Variants in TRIM9 observed in about 807,000 individuals in gnomAD.
The protein encoded by TRIM9 is tripartite motif containing 9, also known as E3 ubiquitin-protein ligase TRIM9.
A neutral mutation model predicts 78.3 loss-of-function variants in TRIM9; 26 were observed. The ratio of observed to expected loss-of-function variants is 0.33; its 90% CI spans 0.24 to 0.46. The LOEUF (loss-of-function observed/expected upper bound fraction) is 0.46, where lower values mean the gene tolerates loss of function less well. Among genes scored for constraint, TRIM9 ranks in the 20% least tolerant of loss-of-function variants. TRIM9 has a pLI of 1.00. For missense variants in TRIM9, 787 were observed against 1,036.4 expected (o/e 0.76, Z 3.30); for synonymous variants, 398 against 416.5 (o/e 0.96, Z 0.54).
At chr14:51,071,958 G>A (rs1319954906) in intron 1 of TRIM9, among the ~76,000 whole-genome samples, 2 of 152,188 alleles carry the variant, frequency 1.3e-5, no homozygotes, top group Admixed American at 1.3e-4. Context: ...TGCCAATCCC[G>A]GACTCAGCAG....
At chr14:51,060,777 CTCTTA>C (rs1462132468) in intron 1 of TRIM9, among the ~76,000 whole-genome samples, 7 of 152,186 alleles carry the variant, frequency 4.6e-5, no homozygotes, top group Admixed American at 3.9e-4. Flanking sequence ...TATATTCATT[CTCTTA>C]TAAGAAGCAG....
In TRIM9 at chr14:50,979,309, G is replaced by A. The variant is rs375413789; in HGVS notation, c.2325+78C>T. On this transcript the variant is annotated intron_variant, in intron 12 of 12. Coordinates refer to ENST00000684578, the MANE Select transcript of TRIM9 (RefSeq NM_001387360.1). ...TACGCTGTCAGCTTCCCTCTCTTCGGTTGGATTGAACGGCCCTGGGCAGCC... is the reference window on the plus strand; with the variant it reads ...TACGCTGTCAGCTTCCCTCTCTTCGATTGGATTGAACGGCCCTGGGCAGCC... 4.1e-4 allele frequency: 660 copies of A among 1,611,060 alleles called. 4 individuals carry two copies. In the South Asian group the frequency reaches 6.9e-3, roughly 17 times the overall value.
At chr14:51,069,146 A>G (rs755930734) in intron 1 of TRIM9, among the ~76,000 whole-genome samples, 8 of 152,194 alleles carry the variant, frequency 5.3e-5, no homozygotes, top group Non-Finnish European at 1.2e-4. Context: ...TCAGTCTGAG[A>G]GAGTTGGGCC....
intron 5 of TRIM9, among the ~76,000 whole-genome samples, chr14:51,003,940 G>A (rs2055425215): frequency 1.3e-5 from 2 of 152,140 alleles, no homozygotes; most frequent in African/African-American, 2.4e-5. Context: ...TTTATAGTGG[G>A]TGTTATGTTA....
chr14:51,087,474 A>G (rs1157046296), intron 1 of TRIM9, among the ~76,000 whole-genome samples: 1 of 152,150 alleles, frequency 6.6e-6, no homozygotes, highest in Non-Finnish European at 1.5e-5. Flanking sequence ...ACTTGGAGTT[A>G]GGTCTCAGTT....
At position 51,094,361 on chromosome 14, in the gene TRIM9, G is replaced by A. The variant is rs2064735947; in HGVS notation, c.579C>T (p.Cys193=). 6.2e-7 allele frequency: 1 copy of A among 1,613,658 alleles called. No individual in the cohort carries two copies. Among genetic ancestry groups the A allele is most frequent in the Non-Finnish European group, 8.5e-7 (1 of 1,179,898 alleles). Residue 193 remains cysteine, a synonymous_variant, in exon 1 of 13, where the codon TGC becomes TGT. Coordinates refer to ENST00000684578, the MANE Select transcript of TRIM9 (RefSeq NM_001387360.1). The part of the protein sequence containing the change: ...EQCDVFYCDP[C]RLRCHPPRGP... ...CCCGGGGCGGGTGGCAGCGCAGGCG[G>A]CACGGATCGCAGTAGAAGACATCGC... is the stretch of plus-strand genomic sequence containing the variant.
intron 1 of TRIM9, chr14:51,091,102 T>A (rs1339290541): frequency 1.3e-5 from 2 of 152,208 alleles, no homozygotes; most frequent in African/African-American, 4.8e-5. Context: ...AAATAAAAAC[T>A]GCTACCAAAT....
chr14:51,038,063 C>G (rs74784420), intron 1 of TRIM9, among the ~76,000 whole-genome samples: 2,294 of 152,192 alleles, frequency 0.015, 61 homozygotes, highest in African/African-American at 0.053. Context: ...CCCGAATCCC[C>G]AGAACCGGTG....
At chr14:51,020,044 C>T (rs2057597929) in intron 3 of TRIM9, among the ~76,000 whole-genome samples, 1 of 152,164 alleles carries the variant, frequency 6.6e-6, no homozygotes, top group Non-Finnish European at 1.5e-5. Flanking sequence ...CCGAAAAATA[C>T]ACACACAACT....
chr14:50,977,624 T>C (rs749341664), intron 12 of TRIM9, among the ~76,000 whole-genome samples: 23 of 152,160 alleles, frequency 1.5e-4, no homozygotes, highest in Non-Finnish European at 2.8e-4. Flanking sequence ...TTGTGTTCCT[T>C]ATAACTGAAG....
Position 51,009,072 on chromosome 14 carries a change from G to A in TRIM9, c.1306+8C>T, listed in dbSNP as rs367977244. ...TTGCTCTCTGACTTGGGGGATGCAA[G>A]GACATACCTTTCACTTGCACGAAAT... is the stretch of plus-strand genomic sequence containing the variant. On this transcript the variant is annotated splice_region_variant and intron_variant, in intron 5 of 12. Transcript: ENST00000684578. 26 of 1,613,300 alleles carry A rather than the reference G, an allele frequency of 1.6e-5. No homozygotes were observed. The highest frequency in any genetic ancestry group is 2.1e-5 in the Non-Finnish European group (25 of 1,179,732).
chr14:51,047,109 C>T (rs2060007451), intron 1 of TRIM9, among the ~76,000 whole-genome samples: 1 of 152,096 alleles, frequency 6.6e-6, no homozygotes, highest in Non-Finnish European at 1.5e-5. Context: ...CGGTATCTGC[C>T]TCTGCTTGAG....
Position 51,066,166 on chromosome 14 carries a change from T to C in TRIM9, c.822+27952A>G, listed in dbSNP as rs530746028. 6.6e-5 allele frequency among the ~76,000 whole-genome samples: 10 copies of C among 151,938 alleles called. No homozygotes were observed. In the East Asian group the frequency reaches 1.9e-3, roughly 29 times the overall value. Reference sequence around the variant, plus strand: ...CAATTTTCCTTTTCACCATATCTCCTCCAGTTACTGCCCCATTTCTGTGTT... The same window carrying C: ...CAATTTTCCTTTTCACCATATCTCCCCCAGTTACTGCCCCATTTCTGTGTT... On this transcript the variant is annotated intron_variant, in intron 1 of 12. Transcript: ENST00000684578.
intron 1 of TRIM9, among the ~76,000 whole-genome samples, chr14:51,048,631 C>T (rs537507095): frequency 2.6e-5 from 4 of 151,548 alleles, no homozygotes; most frequent in Non-Finnish European, 4.4e-5. Flanking sequence ...TCTAGGGTGT[C>T]GTGTAATCAA....
rs1334973234 is a variant in TRIM9, at chr14:50,982,978, C to A, written c.1835-13G>T. The A allele has an allele frequency of 6.5e-7, 1 of 1,548,506 alleles. No individual in the cohort carries two copies. Among genetic ancestry groups the A allele is most frequent in the Non-Finnish European group, 8.7e-7 (1 of 1,145,336 alleles). On this transcript the variant is annotated splice_polypyrimidine_tract_variant and intron_variant, in intron 9 of 12. Transcript: ENST00000684578. ...TTTTTAATGTCAACTGTTGTCATTCCAAGTGAAAGGCATGGGGGAGAGAGA... is the reference window on the plus strand; with the variant it reads ...TTTTTAATGTCAACTGTTGTCATTCAAAGTGAAAGGCATGGGGGAGAGAGA...
At chr14:50,994,836 T>A (rs868304086) in intron 7 of TRIM9, among the ~76,000 whole-genome samples, 1 of 152,364 alleles carries the variant, frequency 6.6e-6, no homozygotes, top group South Asian at 2.1e-4. Flanking sequence ...GGGGCCTTAT[T>A]TGAAAATTTC....
At chr14:51,076,646 C>G (rs1309846321) in intron 1 of TRIM9, among the ~76,000 whole-genome samples, 1 of 152,220 alleles carries the variant, frequency 6.6e-6, no homozygotes, top group African/African-American at 2.4e-5. Context: ...GCCAAAAACT[C>G]ACATTAATTA....
intron 1 of TRIM9, among the ~76,000 whole-genome samples, chr14:51,053,427 A>G (rs1050130315): frequency 1.3e-5 from 2 of 151,272 alleles, no homozygotes; most frequent in African/African-American, 4.8e-5. Flanking sequence ...TTCAGTACTC[A>G]GTTTGTATCA....
intron 1 of TRIM9, among the ~76,000 whole-genome samples, chr14:51,039,755 C>T (rs996536018): frequency 2.0e-5 from 3 of 147,826 alleles, no homozygotes; most frequent in Non-Finnish European, 4.5e-5. Flanking sequence ...TTTAAATAAA[C>T]TTTTTTTTTT....
Sources: allele counts gnomAD v4.1 joint callset (sites outside exome capture counted in the v4.1 genomes callset), GRCh38; gene constraint gnomAD v4.1.1; transcripts MANE v1.5; gene names NCBI Gene and HGNC (gene_info 2026-07-23, HGNC 2026-07-21).